Variants in FHIT observed in about 807,000 individuals in gnomAD.
The protein encoded by FHIT is bis(5'-adenosyl)-triphosphatase.
FHIT carries 19 observed loss-of-function variants against 17.9 expected under a neutral mutation model. The ratio of observed to expected loss-of-function variants is 1.06; its 90% CI spans 0.74 to 1.56. The LOEUF (loss-of-function observed/expected upper bound fraction) is 1.56, where lower values mean the gene tolerates loss of function less well. Ranked by LOEUF, FHIT falls within the 40% of genes most tolerant of loss-of-function variation. FHIT has a pLI of 0.00. For missense variants in FHIT, 248 were observed against 189.2 expected, an observed-to-expected ratio of 1.31 and a Z score of -1.82; for synonymous variants, 81 against 69.7, an observed-to-expected ratio of 1.16 and a Z score of -0.81.
In FHIT at chr3:60,118,602, C is replaced by A. The variant is rs190509887; in HGVS notation, c.104-104450G>T. On this transcript the variant is annotated intron_variant, in intron 5 of 9. Transcript: ENST00000492590. ...TGGTCTCCCCAGAGGTAAAGTGACT[C>A]GCCCAAGGTCACACAGTGAATTAAC... 8.0e-4 allele frequency among the ~76,000 whole-genome samples: 121 copies of A among 152,060 alleles called. 1 individual carries two copies. The highest frequency in any genetic ancestry group is 1.8e-3 in the Admixed American group (28 of 15,256).
At chr3:59,980,465 C>A (rs138107533) in intron 7 of FHIT, among the ~76,000 whole-genome samples, 2 of 152,166 alleles carry the variant, frequency 1.3e-5, no homozygotes, top group Non-Finnish European at 2.9e-5. Context: ...ATAATTAGCC[C>A]TCATTCTACA....
chr3:60,495,116 A>G (rs182690698), intron 5 of FHIT, among the ~76,000 whole-genome samples: 24 of 152,280 alleles, frequency 1.6e-4, no homozygotes, highest in African/African-American at 5.5e-4. Context: ...CCTTTTCTCT[A>G]CATCCCCGCC....
chr3:60,066,487 A>G (rs1216745561), intron 5 of FHIT, among the ~76,000 whole-genome samples: 1 of 152,140 alleles, frequency 6.6e-6, no homozygotes, highest in Non-Finnish European at 1.5e-5. Flanking sequence ...ATATGTGGAT[A>G]ACAAGATGGA....
chr3:61,043,347 G>T (rs1354243534), intron 2 of FHIT, among the ~76,000 whole-genome samples: 1 of 152,206 alleles, frequency 6.6e-6, no homozygotes, highest in South Asian at 2.1e-4. Flanking sequence ...AGCTCGGAGG[G>T]TCCCACGCCC....
chr3:60,928,635 C>T (rs1319229391), intron 3 of FHIT, among the ~76,000 whole-genome samples: 15 of 151,274 alleles, frequency 9.9e-5, no homozygotes, highest in South Asian at 6.3e-4. Flanking sequence ...ATAAATTCCT[C>T]GACACATACA....
At chr3:61,054,134 T>A (rs2034130210) in intron 2 of FHIT, among the ~76,000 whole-genome samples, 1 of 152,174 alleles carries the variant, frequency 6.6e-6, no homozygotes, top group South Asian at 2.1e-4. Context: ...GAAGTCTTCA[T>A]GGCTCACCTT....
At position 60,693,565 on chromosome 3, in the gene FHIT, G is replaced by C. The variant is rs142560923; in HGVS notation, c.-18+128354C>G. ...CGTGGGTAAATATTAAGAGGGAATT[G>C]ACAAAGGCATATTAAGTCTAAGGAG... On this transcript the variant is annotated intron_variant, in intron 4 of 9. Transcript: ENST00000492590. Among the ~76,000 whole-genome samples the C allele has an allele frequency of 2.7e-3, 414 of 152,308 alleles. 5 individuals carry two copies. The highest frequency in any genetic ancestry group is 4.7e-3 in the Non-Finnish European group (317 of 68,026).
intron 7 of FHIT, among the ~76,000 whole-genome samples, chr3:59,977,559 G>A (rs1708469050): frequency 6.6e-6 from 1 of 152,140 alleles, no homozygotes; most frequent in Non-Finnish European, 1.5e-5. Flanking sequence ...CACAATGACA[G>A]GAATCTTTGT....
intron 4 of FHIT, among the ~76,000 whole-genome samples, chr3:60,798,912 C>T (rs1355420449): frequency 6.6e-6 from 1 of 151,680 alleles, no homozygotes; most frequent in Non-Finnish European, 1.5e-5. Context: ...TGTGCACCAC[C>T]ACGCCCTGCT....
intron 3 of FHIT, among the ~76,000 whole-genome samples, chr3:60,830,571 T>C (rs1702295064): frequency 2.0e-5 from 3 of 152,202 alleles, no homozygotes; most frequent in Non-Finnish European, 2.9e-5. Context: ...GGGAAAAATA[T>C]TAAGCTACTT....
chr3:60,266,397 G>C (rs1450399233), intron 5 of FHIT, among the ~76,000 whole-genome samples: 1 of 152,004 alleles, frequency 6.6e-6, no homozygotes, highest in Non-Finnish European at 1.5e-5. Flanking sequence ...CGCGGAGGGG[G>C]CTTCATGAGA....
intron 3 of FHIT, among the ~76,000 whole-genome samples, chr3:61,010,271 C>A (rs538711747): frequency 2.2e-4 from 34 of 151,652 alleles, no homozygotes; most frequent in African/African-American, 6.3e-4. Context: ...ATATTTGTAT[C>A]AAACTGTAAA....
intron 7 of FHIT, among the ~76,000 whole-genome samples, chr3:59,927,789 A>T (rs1233758694): frequency 2.7e-5 from 4 of 150,412 alleles, no homozygotes; most frequent in African/African-American, 7.3e-5. Flanking sequence ...CAACAACAAC[A>T]AAAACCCAAA....
intron 5 of FHIT, among the ~76,000 whole-genome samples, chr3:60,188,497 T>C (rs1702261644): frequency 6.6e-6 from 1 of 152,138 alleles, no homozygotes; most frequent in Non-Finnish European, 1.5e-5. Context: ...ATGATTCCTT[T>C]TTCTCTGGGT....
intron 3 of FHIT, among the ~76,000 whole-genome samples, chr3:60,860,160 TACATC>T (rs1703595812): frequency 1.2e-5 from 1 of 85,960 alleles, no homozygotes. Context: ...ATATATGATA[TACATC>T]ATATGTATAT....
chr3:60,683,149 T>C (rs1243587947), intron 4 of FHIT, among the ~76,000 whole-genome samples: 1 of 152,212 alleles, frequency 6.6e-6, no homozygotes, highest in East Asian at 1.9e-4. Context: ...AATCTACTCC[T>C]GAAGAAGATG....
intron 5 of FHIT, among the ~76,000 whole-genome samples, chr3:60,199,011 G>A (rs1041723698): frequency 5.3e-5 from 8 of 152,146 alleles, no homozygotes; most frequent in African/African-American, 1.9e-4. Context: ...TCAGGTTAAG[G>A]CATTGTTTTC....
chr3:60,571,019 A>T (rs1354745192), intron 4 of FHIT, among the ~76,000 whole-genome samples: 1 of 152,010 alleles, frequency 6.6e-6, no homozygotes, highest in Non-Finnish European at 1.5e-5. Context: ...GCACAACCAC[A>T]AGCTGTTATT....
chr3:60,581,853 C>T (rs139409854), intron 4 of FHIT, among the ~76,000 whole-genome samples: 218 of 151,928 alleles, frequency 1.4e-3, no homozygotes, highest in African/African-American at 5.1e-3. Flanking sequence ...TCTTTTACTA[C>T]CTAAAAGTTC....
Sources: allele counts gnomAD v4.1 joint callset (sites outside exome capture counted in the v4.1 genomes callset), GRCh38; gene constraint gnomAD v4.1.1; transcripts MANE v1.5; gene names NCBI Gene and HGNC (gene_info 2026-07-23, HGNC 2026-07-21).